Variants in NALF1 observed in about 807,000 individuals in gnomAD.
The protein encoded by NALF1 is NALCN channel auxiliary factor 1, also known as family with sequence similarity 155 member A.
In NALF1, 3 loss-of-function variants were observed where a neutral mutation model predicts 48.4. The ratio of observed to expected loss-of-function variants is 0.06; its 90% CI spans 0.03 to 0.16. The LOEUF (loss-of-function observed/expected upper bound fraction) is 0.16, where lower values mean the gene tolerates loss of function less well. Ranked by LOEUF, NALF1 falls within the 10% of genes least tolerant of loss-of-function variation. The pLI, the probability that NALF1 is intolerant of heterozygous loss-of-function variation, is 1.00. For synonymous variants in NALF1, 262 were observed against 245.7 expected, an observed-to-expected ratio of 1.07 and a Z score of -0.62; for missense variants, 526 against 571.5, an observed-to-expected ratio of 0.92 and a Z score of 0.81.
chr13:107,847,914 T>C (rs532418376), intron 1 of NALF1, among the ~76,000 whole-genome samples: 2 of 151,676 alleles, frequency 1.3e-5, no homozygotes, highest in South Asian at 4.2e-4. Flanking sequence ...TCTCTACTTT[T>C]TTTGCAAAGC....
intron 1 of NALF1, among the ~76,000 whole-genome samples, chr13:107,472,686 A>G (rs1885119656): frequency 6.6e-6 from 1 of 152,024 alleles, no homozygotes; most frequent in Non-Finnish European, 1.5e-5. Flanking sequence ...GGACTCTTGG[A>G]CCTATACCAG....
intron 1 of NALF1, among the ~76,000 whole-genome samples, chr13:107,711,293 A>G (rs1312336402): frequency 6.6e-6 from 1 of 152,168 alleles, no homozygotes; most frequent in Non-Finnish European, 1.5e-5. Context: ...TATGCATCAT[A>G]TTGTGATACT....
chr13:107,336,485 T>G (rs1488960581), intron 1 of NALF1, among the ~76,000 whole-genome samples: 1 of 152,150 alleles, frequency 6.6e-6, no homozygotes, highest in African/African-American at 2.4e-5. Context: ...TATATTTATT[T>G]GTTGATTGCT....
chr13:107,577,871 C>T (rs1325873257), intron 1 of NALF1, among the ~76,000 whole-genome samples: 1 of 152,166 alleles, frequency 6.6e-6, no homozygotes, highest in East Asian at 1.9e-4. Flanking sequence ...GAGTGGGCTC[C>T]TATCCTTGCC....
chr13:107,378,959 T>C lies in NALF1; in HGVS notation c.916-168204A>G, dbSNP rs747899433. Among the ~76,000 whole-genome samples, 56 of 152,216 alleles carry C rather than the reference T, an allele frequency of 3.7e-4. 1 individual carries two copies. Among genetic ancestry groups the C allele is most frequent in the Non-Finnish European group, 5.9e-5 (4 of 68,036 alleles). On this transcript the variant is annotated intron_variant, in intron 1 of 2. Transcript: ENST00000375915. The stretch of plus-strand genomic sequence containing the variant: ...AGGGTTTGATATTTTCAATAAAACA[T>C]ATAATTAAGATCTCATTAATTTGGA...
chr13:107,557,329 A>C (rs1438773013), intron 1 of NALF1, among the ~76,000 whole-genome samples: 1 of 152,172 alleles, frequency 6.6e-6, no homozygotes, highest in Non-Finnish European at 1.5e-5. Flanking sequence ...AGCAATCTTG[A>C]TGGGGTGGTA....
chr13:107,795,486 G>A (rs1878392620), intron 1 of NALF1, among the ~76,000 whole-genome samples: 1 of 152,074 alleles, frequency 6.6e-6, no homozygotes, highest in Non-Finnish European at 1.5e-5. Context: ...GAACCTCACA[G>A]TTCTGCCATT....
intron 1 of NALF1, among the ~76,000 whole-genome samples, chr13:107,846,295 C>T (rs1029709421): frequency 2.0e-5 from 3 of 152,070 alleles, no homozygotes; most frequent in Non-Finnish European, 2.9e-5. Flanking sequence ...TTCTGTCAGA[C>T]GGGAGTCTGG....
intron 1 of NALF1, among the ~76,000 whole-genome samples, chr13:107,251,932 G>A (rs1289368072): frequency 6.6e-6 from 1 of 152,176 alleles, no homozygotes; most frequent in Non-Finnish European, 1.5e-5. Flanking sequence ...ATGGAGAAAA[G>A]CAGAGAAGGG....
chr13:107,312,477 C>T (rs1882066388), intron 1 of NALF1, among the ~76,000 whole-genome samples: 2 of 151,844 alleles, frequency 1.3e-5, no homozygotes, highest in South Asian at 4.2e-4. Context: ...ATGTAAATGA[C>T]GAGTTAATGG....
chr13:107,170,427 G>A lies in NALF1; in HGVS notation c.*70C>T. ...TCGAGGGTAAAAGCACCCAGTTTCT[G>A]TTACATGAGACAGCAGTTGCCATTT... is the stretch of plus-strand genomic sequence containing the variant. On this transcript the variant is annotated 3_prime_UTR_variant, in exon 3 of 3. Coordinates refer to ENST00000375915, the MANE Select transcript of NALF1 (RefSeq NM_001080396.3). The A allele has an allele frequency of 6.7e-7, 1 of 1,482,582 alleles. No individual in the cohort carries two copies. Among genetic ancestry groups the A allele is most frequent in the East Asian group, 2.3e-5 (1 of 43,782 alleles). The allele number at this position is 1,482,582 out of a possible 1,614,324, so 91.8% of individuals were successfully genotyped here.
At chr13:107,712,881 A>T (rs1187609283) in intron 1 of NALF1, among the ~76,000 whole-genome samples, 2 of 152,230 alleles carry the variant, frequency 1.3e-5, no homozygotes, top group African/African-American at 2.4e-5. Context: ...CAAAGACAGA[A>T]GCTGACTTCG....
intron 1 of NALF1, among the ~76,000 whole-genome samples, chr13:107,846,881 G>C (rs1166616947): frequency 6.6e-6 from 1 of 152,102 alleles, no homozygotes; most frequent in Non-Finnish European, 1.5e-5. Context: ...TACTGCAATG[G>C]CCTAAGTAAG....
chr13:107,783,115 C>T (rs1273079733), intron 1 of NALF1, among the ~76,000 whole-genome samples: 1 of 137,064 alleles, frequency 7.3e-6, no homozygotes, highest in East Asian at 2.3e-4. Context: ...AGGTGAGGGG[C>T]GCCTCTGCCC....
chr13:107,484,882 G>A (rs910768430), intron 1 of NALF1, among the ~76,000 whole-genome samples: 5 of 152,036 alleles, frequency 3.3e-5, no homozygotes, highest in Middle Eastern at 3.2e-3. Flanking sequence ...TCATAGACAC[G>A]GTAATCCATT....
intron 1 of NALF1, among the ~76,000 whole-genome samples, chr13:107,822,629 G>C (rs1260724097): frequency 6.6e-6 from 1 of 152,136 alleles, no homozygotes; most frequent in Non-Finnish European, 1.5e-5. Flanking sequence ...CATTGCAGTT[G>C]ATAAATCATG....
At chr13:107,261,005 C>G (rs1462643821) in intron 1 of NALF1, among the ~76,000 whole-genome samples, 2 of 152,204 alleles carry the variant, frequency 1.3e-5, no homozygotes, top group Non-Finnish European at 2.9e-5. Flanking sequence ...TTATTGGAGC[C>G]TGGGTTCCTG....
At chr13:107,653,493 T>G (rs1294655946) in intron 1 of NALF1, among the ~76,000 whole-genome samples, 3 of 152,008 alleles carry the variant, frequency 2.0e-5, no homozygotes, top group Non-Finnish European at 4.4e-5. Context: ...ATTTTTTTTT[T>G]TATTATAAAA....
chr13:107,593,970 T>C (rs1350850125), intron 1 of NALF1, among the ~76,000 whole-genome samples: 5 of 152,022 alleles, frequency 3.3e-5, no homozygotes, highest in East Asian at 1.9e-4. Context: ...TACCGAGCTT[T>C]AGGCCCACAG....
Sources: gnomAD v4.1 joint callset for allele counts (sites outside exome capture counted in the v4.1 genomes callset) on GRCh38, gnomAD v4.1.1 for gene constraint, MANE v1.5 for transcripts, NCBI Gene and HGNC (gene_info 2026-07-23, HGNC 2026-07-21) for gene names.